The following UBE2G1 variants were observed in gnomAD, a reference collection of about 807,000 sequenced individuals.
The protein encoded by UBE2G1 is ubiquitin-conjugating enzyme E2 G1.
In UBE2G1, 5 loss-of-function variants were observed where a neutral mutation model predicts 22.7. The ratio of observed to expected loss-of-function variants is 0.22; its 90% CI spans 0.12 to 0.46. UBE2G1 has a LOEUF of 0.46. Among genes scored for constraint, UBE2G1 ranks in the 20% least tolerant of loss-of-function variants. The probability of loss-of-function intolerance (pLI) is 0.99; values close to 1 mark genes in which losing one functional copy is unlikely to be tolerated. For synonymous variants in UBE2G1, 74 were observed against 67.5 expected (o/e 1.10, Z -0.47); for missense variants, 88 against 203.9 (o/e 0.43, Z 3.46).
chr17:4,315,591 A>AT (rs1315028001), intron 1 of UBE2G1, among the ~76,000 whole-genome samples: 2 of 151,136 alleles, frequency 1.3e-5, no homozygotes, highest in Admixed American at 6.6e-5. Context: ...ATACAAAAAA[A>AT]TAGCCGGGCG....
chr17:4,276,698 T>G (rs369525478), intron 5 of UBE2G1, among the ~76,000 whole-genome samples: 3 of 152,152 alleles, frequency 2.0e-5, no homozygotes, highest in East Asian at 3.9e-4. Flanking sequence ...AGTTACGCAA[T>G]CCGTAGTACT....
At chr17:4,326,999 T>A (rs1969510206) in intron 1 of UBE2G1, among the ~76,000 whole-genome samples, 1 of 151,928 alleles carries the variant, frequency 6.6e-6, no homozygotes, top group Non-Finnish European at 1.5e-5. Context: ...ACGTCTCTAC[T>A]AAAATACAAA....
At chr17:4,316,093 G>A (rs1969368647) in intron 1 of UBE2G1, among the ~76,000 whole-genome samples, 2 of 151,960 alleles carry the variant, frequency 1.3e-5, no homozygotes, top group African/African-American at 2.4e-5. Context: ...GTGAGCCACC[G>A]CCTAAGTGTA....
intron 1 of UBE2G1, among the ~76,000 whole-genome samples, chr17:4,326,608 G>A (rs1382076862): frequency 1.3e-5 from 2 of 152,164 alleles, no homozygotes; most frequent in African/African-American, 4.8e-5. Flanking sequence ...AATTAAAGCA[G>A]GGGGTCAAAC....
chr17:4,316,505 C>T (rs1969375764), intron 1 of UBE2G1, among the ~76,000 whole-genome samples: 1 of 152,118 alleles, frequency 6.6e-6, no homozygotes. Flanking sequence ...GTCCTTCAAC[C>T]TTCCATTAAT....
intron 1 of UBE2G1, among the ~76,000 whole-genome samples, chr17:4,308,497 C>T (rs1969272583): frequency 1.3e-5 from 2 of 152,154 alleles, no homozygotes; most frequent in South Asian, 2.1e-4. Context: ...TGCACTCCAG[C>T]CTGGGTAACA....
chr17:4,278,535 T>C (rs1404309383), intron 5 of UBE2G1, among the ~76,000 whole-genome samples: 1 of 152,192 alleles, frequency 6.6e-6, no homozygotes, highest in Non-Finnish European at 1.5e-5. Flanking sequence ...GCCCGCAGGC[T>C]GCAGGCTGGA....
At chr17:4,329,116 A>G (rs868289040) in intron 1 of UBE2G1, among the ~76,000 whole-genome samples, 28 of 109,980 alleles carry the variant, frequency 2.5e-4, no homozygotes, top group Non-Finnish European at 3.8e-4. Flanking sequence ...AAAGAAAAAA[A>G]AAAAAAAAAA....
chr17:4,351,066 G>A (rs1373833656), intron 1 of UBE2G1, among the ~76,000 whole-genome samples: 1 of 151,614 alleles, frequency 6.6e-6, no homozygotes, highest in South Asian at 2.1e-4. Flanking sequence ...AGGTGTAGTG[G>A]TGCGTGCCTG....
rs147898616 is a variant in UBE2G1 at position 4,298,697 on chromosome 17, G to T, written c.150-1883C>A. 1.2e-4 allele frequency among the ~76,000 whole-genome samples: 18 copies of T among 152,258 alleles called. No homozygotes were observed. In the East Asian group the frequency reaches 3.3e-3, roughly 28 times the overall value. The stretch of plus-strand genomic sequence containing the variant: ...AAGCTGTAAAGGGTTAAAGAACAGG[G>T]TAGTAAAGTACTTAAGCATAATAAA... On this transcript the variant is annotated intron_variant, in intron 2 of 5. Coordinates refer to ENST00000396981, the MANE Select transcript of UBE2G1 (RefSeq NM_003342.5).
chr17:4,307,422 G>A (rs1285631584), intron 1 of UBE2G1, among the ~76,000 whole-genome samples: 2 of 152,230 alleles, frequency 1.3e-5, no homozygotes, highest in East Asian at 3.9e-4. Context: ...CAGATATCCA[G>A]GCCCGTCCCC....
At chr17:4,307,993 C>T (rs935885720) in intron 1 of UBE2G1, among the ~76,000 whole-genome samples, 2 of 152,134 alleles carry the variant, frequency 1.3e-5, no homozygotes, top group Non-Finnish European at 2.9e-5. Flanking sequence ...GTGAGCAGAT[C>T]ATGTGAGAAA....
chr17:4,347,387 G>A (rs565996279), intron 1 of UBE2G1, among the ~76,000 whole-genome samples: 2 of 150,550 alleles, frequency 1.3e-5, no homozygotes, highest in South Asian at 4.2e-4. Context: ...CATCAAGCAA[G>A]TCTATCAGTG....
At chr17:4,283,626 A>G (rs1968923378) in intron 4 of UBE2G1, among the ~76,000 whole-genome samples, 3 of 152,216 alleles carry the variant, frequency 2.0e-5, no homozygotes, top group Admixed American at 1.3e-4. Context: ...TTGAGATGAT[A>G]CTAAGTACCA....
At chr17:4,320,630 A>G (rs981207988) in intron 1 of UBE2G1, among the ~76,000 whole-genome samples, 5 of 152,214 alleles carry the variant, frequency 3.3e-5, no homozygotes, top group Admixed American at 3.3e-4. Flanking sequence ...TTGATTTTTT[A>G]AATTATGAAA....
intron 3 of UBE2G1, among the ~76,000 whole-genome samples, chr17:4,290,810 A>T: frequency 7.3e-6 from 1 of 136,756 alleles, no homozygotes; most frequent in Admixed American, 7.8e-5. Flanking sequence ...GTAGAGATAT[A>T]GTCTTACTAT....
chr17:4,354,659 C>T (rs966981670), intron 1 of UBE2G1, among the ~76,000 whole-genome samples: 25 of 152,182 alleles, frequency 1.6e-4, no homozygotes, highest in African/African-American at 5.1e-4. Context: ...TTATTTTCTT[C>T]AAATATTTGG....
At chr17:4,324,064 C>T (rs2143765114) in intron 1 of UBE2G1, among the ~76,000 whole-genome samples, 1 of 152,310 alleles carries the variant, frequency 6.6e-6, no homozygotes, top group East Asian at 1.9e-4. Context: ...GATAATGCAT[C>T]TTCGCAACGG....
At chr17:4,329,155 T>C (rs1321177649) in intron 1 of UBE2G1, among the ~76,000 whole-genome samples, 2 of 146,406 alleles carry the variant, frequency 1.4e-5, no homozygotes, top group Non-Finnish European at 3.0e-5. Flanking sequence ...TCCTAGCACT[T>C]TGGAAGGCCG....
Sources: allele counts gnomAD v4.1 joint callset (sites outside exome capture counted in the v4.1 genomes callset), GRCh38; gene constraint gnomAD v4.1.1; transcripts MANE v1.5; gene names NCBI Gene and HGNC (gene_info 2026-07-23, HGNC 2026-07-21).